Variants in AKT3 observed in about 807,000 individuals in gnomAD.
AKT3 encodes AKT serine/threonine kinase 3, also known as RAC-gamma serine/threonine-protein kinase.
AKT3 carries 15 observed loss-of-function variants against 65.3 expected under a neutral mutation model. That is an observed-to-expected ratio of 0.23 (90% CI 0.15 to 0.35). AKT3 has a LOEUF of 0.35. Ranked by LOEUF, AKT3 falls within the 10% of genes least tolerant of loss-of-function variation. The pLI is 1.00. For missense variants in AKT3, 243 were observed against 576.5 expected, an observed-to-expected ratio of 0.42 and a Z score of 5.92; for synonymous variants, 206 against 183.8, an observed-to-expected ratio of 1.12 and a Z score of -0.98.
chr1:243,849,899 C>T (rs967427044), intron 1 of AKT3, 141 bp downstream of exon 1: 2 of 606,080 alleles, frequency 3.3e-6, no homozygotes, highest in Non-Finnish European at 4.1e-6. Context: ...GGCGCGGTGA[C>T]AACCCAGAAG....
intron 10 of AKT3, among the ~76,000 whole-genome samples, chr1:243,554,343 CAT>C (rs1234771145): frequency 6.6e-6 from 1 of 152,058 alleles, no homozygotes; most frequent in African/African-American, 2.4e-5. Flanking sequence ...GATATGAACA[CAT>C]GTTTAGATCC....
intron 3 of AKT3, among the ~76,000 whole-genome samples, chr1:243,684,035 T>C (rs906180473): frequency 1.3e-5 from 2 of 152,160 alleles, no homozygotes; most frequent in African/African-American, 2.4e-5. Context: ...ATTTGGTCTA[T>C]ACCCCGTTCC....
chr1:243,515,806 T>C (rs1328171564), intron 12 of AKT3, among the ~76,000 whole-genome samples: 1 of 152,084 alleles, frequency 6.6e-6, no homozygotes, highest in African/African-American at 2.4e-5. Flanking sequence ...CTGGCTAACA[T>C]GGGAAACCCC....
intron 2 of AKT3, among the ~76,000 whole-genome samples, chr1:243,839,921 G>A (rs1053121233): frequency 1.3e-5 from 2 of 150,336 alleles, no homozygotes; most frequent in Admixed American, 6.6e-5. Flanking sequence ...GGTGGCTCAC[G>A]CCTGTAATCC....
rs1192075550 is a variant in AKT3, at chr1:243,499,988, T to A, written c.*5261A>T. On this transcript the variant is annotated 3_prime_UTR_variant, in exon 14 of 14. Coordinates refer to ENST00000673466, the MANE Select transcript of AKT3 (RefSeq NM_005465.7). ...GAGTCTGACTCTAGCTGAGCAGAGC[T>A]CCTGGTGTATGTTTTCAGAAATGGC... is the stretch of plus-strand genomic sequence containing the variant. 1 of 611,952 alleles carries A rather than the reference T, an allele frequency of 1.6e-6. No homozygotes were observed. Among genetic ancestry groups the A allele is most frequent in the East Asian group, 2.8e-5 (1 of 36,356 alleles). 37.9% of individuals were successfully genotyped at this position (611,952 alleles called of 1,614,324 possible).
At chr1:243,804,382 ATCTTT>A (rs984679167) in intron 2 of AKT3, among the ~76,000 whole-genome samples, 1 of 152,196 alleles carries the variant, frequency 6.6e-6, no homozygotes, top group African/African-American at 2.4e-5. Flanking sequence ...GTTATTCTAA[ATCTTT>A]ATGTATTAGC....
chr1:243,819,819 G>GC, intron 2 of AKT3, among the ~76,000 whole-genome samples: 1 of 152,330 alleles, frequency 6.6e-6, no homozygotes, highest in Middle Eastern at 3.4e-3. Context: ...CTGTTCTGCA[G>GC]CCCCCTCTGG....
In AKT3 at chr1:243,642,370, C is replaced by T. The variant is rs183683376; in HGVS notation, c.429+3523G>A. On this transcript the variant is annotated intron_variant, in intron 5 of 13. Coordinates refer to ENST00000673466, the MANE Select transcript of AKT3 (RefSeq NM_005465.7). Reference sequence around the variant, plus strand: ...TGTCGCCCAGGCTAGAGTGCAGTGGCACGATCTCGGCTCACTGCAAGCTCT... The same window carrying T: ...TGTCGCCCAGGCTAGAGTGCAGTGGTACGATCTCGGCTCACTGCAAGCTCT... Among the ~76,000 whole-genome samples the T allele has an allele frequency of 6.6e-4, 101 of 152,328 alleles. 1 individual carries two copies. Among genetic ancestry groups the T allele is most frequent in the African/African-American group, 2.3e-3 (94 of 41,574 alleles).
chr1:243,765,139 A>G (rs1371213667), intron 2 of AKT3, among the ~76,000 whole-genome samples: 1 of 152,124 alleles, frequency 6.6e-6, no homozygotes, highest in Admixed American at 6.6e-5. Flanking sequence ...CTAAAAATCT[A>G]AAAAGTCCTA....
chr1:243,644,516 T>C (rs570482356), intron 5 of AKT3, among the ~76,000 whole-genome samples: 19 of 152,260 alleles, frequency 1.2e-4, no homozygotes, highest in South Asian at 1.0e-3. Context: ...ACTTAACTTA[T>C]AGTTGAAGTT....
At chr1:243,527,937 A>ACACACG (rs1671267645) in intron 12 of AKT3, among the ~76,000 whole-genome samples, 1 of 25,404 alleles carries the variant, frequency 3.9e-5, no homozygotes, top group African/African-American at 9.5e-5. Context: ...ACACACACAC[A>ACACACG]GAGAGAGAGA....
At chr1:243,748,083 A>C (rs1416497065) in intron 2 of AKT3, among the ~76,000 whole-genome samples, 1 of 150,776 alleles carries the variant, frequency 6.6e-6, no homozygotes, top group Non-Finnish European at 1.5e-5. Flanking sequence ...CACAAACATA[A>C]ATATATCTTT....
At chr1:243,694,699 A>G (rs905787207) in intron 3 of AKT3, among the ~76,000 whole-genome samples, 13 of 151,998 alleles carry the variant, frequency 8.6e-5, no homozygotes, top group African/African-American at 3.1e-4. Flanking sequence ...CGGCTTTTAT[A>G]ATGGTAAAAT....
At position 243,500,228 on chromosome 1, in the gene AKT3, A is replaced by G; in HGVS notation, c.*5021T>C. The G allele has an allele frequency of 7.9e-6, 2 of 252,126 alleles. No individual in the cohort carries two copies. The highest frequency in any genetic ancestry group is 5.7e-5 in the East Asian group (1 of 17,664). 15.6% of individuals were successfully genotyped at this position (252,126 alleles called of 1,614,324 possible). ...ATTCATTTTTCTTTTCATGATCTAT[A>G]TATCAATCATCCTTCACCTTTAATC... On this transcript the variant is annotated 3_prime_UTR_variant, in exon 14 of 14. Transcript: ENST00000673466.
intron 12 of AKT3, among the ~76,000 whole-genome samples, chr1:243,523,260 AACACACACACACACACACACACAC>A (rs547403507): frequency 4.0e-5 from 5 of 126,400 alleles, no homozygotes; most frequent in African/African-American, 1.2e-4. Flanking sequence ...AAAAAGGACG[AACACACACACACACACACACACAC>A]ACACACACAC....
chr1:243,557,533 T>C (rs1673489297), intron 10 of AKT3, among the ~76,000 whole-genome samples: 1 of 152,050 alleles, frequency 6.6e-6, no homozygotes, highest in South Asian at 2.1e-4. Context: ...AATTCCATTT[T>C]AGTTCATATT....
intron 5 of AKT3, 109 bp downstream of exon 5, chr1:243,645,784 T>G (rs1680763822): frequency 8.9e-7 from 1 of 1,121,026 alleles, no homozygotes; most frequent in Admixed American, 2.7e-5. Context: ...CACCAATATA[T>G]TTACATATCG....
At chr1:243,713,746 T>TAAAAAA (rs572960154) in intron 2 of AKT3, among the ~76,000 whole-genome samples, 18 of 82,962 alleles carry the variant, frequency 2.2e-4, no homozygotes, top group African/African-American at 7.7e-4. Flanking sequence ...TTTGCCTTAA[T>TAAAAAA]AAAAAAAAAA....
At chr1:243,562,681 G>A (rs10732305) in intron 10 of AKT3, among the ~76,000 whole-genome samples, 145,064 of 152,102 alleles carry the variant, frequency 0.95, 69,582 homozygotes, top group East Asian at 1. Flanking sequence ...AGGGCTACAT[G>A]TAAGTGTTCC....
Sources: gnomAD v4.1 joint callset for allele counts (sites outside exome capture counted in the v4.1 genomes callset) on GRCh38, gnomAD v4.1.1 for gene constraint, MANE v1.5 for transcripts, NCBI Gene and HGNC (gene_info 2026-07-23, HGNC 2026-07-21) for gene names.